ZNF609: variants seen among roughly 807,000 people sequenced by gnomAD.
ZNF609 encodes zinc finger protein 609.
ZNF609 carries 11 observed loss-of-function variants against 109.5 expected under a neutral mutation model. The observed-to-expected ratio is 0.10, with a 90% confidence interval of 0.06 to 0.17. ZNF609 has a LOEUF of 0.17. Among genes scored for constraint, ZNF609 ranks in the 10% least tolerant of loss-of-function variants. ZNF609 has a pLI of 1.00. For missense variants in ZNF609, 1,559 were observed against 1,772.4 expected, an observed-to-expected ratio of 0.88 and a Z score of 2.16; for synonymous variants, 646 against 662.0, an observed-to-expected ratio of 0.98 and a Z score of 0.37.
chr15:64,606,628 C>G (rs1895607303), intron 2 of ZNF609, among the ~76,000 whole-genome samples: 1 of 151,922 alleles, frequency 6.6e-6, no homozygotes, highest in South Asian at 2.1e-4. Context: ...CCAGGCTAGC[C>G]TCAAATTCCT....
chr15:64,612,248 C>T (rs528552356), intron 2 of ZNF609, among the ~76,000 whole-genome samples: 6 of 150,012 alleles, frequency 4.0e-5, no homozygotes, highest in African/African-American at 9.8e-5. Flanking sequence ...CCCAGGTTCA[C>T]GCCATTCTCC....
intron 2 of ZNF609, among the ~76,000 whole-genome samples, chr15:64,530,221 G>A (rs564581684): frequency 6.6e-6 from 1 of 152,128 alleles, no homozygotes; most frequent in African/African-American, 2.4e-5. Flanking sequence ...TCATCATGTT[G>A]GCCAGGCTGG....
At chr15:64,631,160 A>G in intron 3 of ZNF609, 4 of 605,618 alleles carry the variant, frequency 6.6e-6, no homozygotes, top group South Asian at 1.4e-5. Context: ...GCTCCTTCCC[A>G]TTGGTTCTCA....
At chr15:64,480,945 A>G (rs1457343327) in intron 1 of ZNF609, among the ~76,000 whole-genome samples, 1 of 152,230 alleles carries the variant, frequency 6.6e-6, no homozygotes, top group African/African-American at 2.4e-5. Flanking sequence ...TGGCAGTTTT[A>G]GAACATACAA....
chr15:64,644,466 C>T (rs937282383), intron 3 of ZNF609, among the ~76,000 whole-genome samples: 4 of 151,834 alleles, frequency 2.6e-5, no homozygotes, highest in East Asian at 1.9e-4. Context: ...CCAGTCTAGG[C>T]GACAAGAGTG....
rs150330414 is a variant in ZNF609 at position 64,472,592 on chromosome 15, C to T, written c.-128+11754C>T. On this transcript the variant is annotated intron_variant, in intron 1 of 9. Coordinates refer to ENST00000326648, the MANE Select transcript of ZNF609 (RefSeq NM_015042.2). ...AATGTTCATGAATATAAGACGGGTGCGGTGGCTCTTCCTTGTAATCCCAAC... is the reference window on the plus strand; with the variant it reads ...AATGTTCATGAATATAAGACGGGTGTGGTGGCTCTTCCTTGTAATCCCAAC... Among the ~76,000 whole-genome samples the T allele has an allele frequency of 1.9e-3, 291 of 152,146 alleles. 2 individuals are homozygous for T. Among genetic ancestry groups the T allele is most frequent in the African/African-American group, 6.6e-3 (275 of 41,520 alleles).
rs537990628 is a variant in ZNF609, at chr15:64,552,654, ATTG to A, written c.747+52494_747+52496del. ...CATGCTTGAGCCACTGCTCCCAGCC[ATTG>A]TTGTTTTTTTGAAACAAGGTCTTGC... On this transcript the variant is annotated intron_variant, in intron 2 of 9. Coordinates refer to ENST00000326648, the MANE Select transcript of ZNF609 (RefSeq NM_015042.2). Among the ~76,000 whole-genome samples, 13 of 152,070 alleles carry A rather than the reference ATTG, an allele frequency of 8.5e-5. No homozygotes were observed. In the East Asian group the frequency reaches 2.5e-3, roughly 29 times the overall value.
At chr15:64,567,481 C>CA (rs1039002670) in intron 2 of ZNF609, among the ~76,000 whole-genome samples, 3,200 of 136,804 alleles carry the variant, frequency 0.023, 98 homozygotes, top group African/African-American at 0.074. Flanking sequence ...GACTCTGTCT[C>CA]AAAAAAAAAA....
At position 64,603,997 on chromosome 15, in the gene ZNF609, C is replaced by CA. The variant is rs34675102; in HGVS notation, c.748-18807dup. Reference sequence around the variant, plus strand: ...TGGGAGACAGAGTGAGACTCCGTCTCAAAAAAAAAAAAAAAAAAAAAAAGA... The same window carrying CA: ...TGGGAGACAGAGTGAGACTCCGTCTCAAAAAAAAAAAAAAAAAAAAAAAAGA... On this transcript the variant is annotated intron_variant, in intron 2 of 9. Transcript: ENST00000326648. 9.5e-3 allele frequency among the ~76,000 whole-genome samples: 612 copies of CA among 64,628 alleles called. 3 individuals carry two copies. The highest frequency in any genetic ancestry group is 0.018 in the African/African-American group (303 of 17,174). The allele number at this position is 64,628 out of a possible 152,430, so 42.4% of individuals were successfully genotyped here. A position where few individuals can be genotyped will look rare whatever the true frequency, so the allele number is the denominator to read the frequency against.
Position 64,675,514 on chromosome 15 carries a change from A to G in ZNF609, c.2660A>G (p.Lys887Arg). The G allele has an allele frequency of 1.2e-6, 2 of 1,614,222 alleles. No homozygotes were observed. Among genetic ancestry groups the G allele is most frequent in the Non-Finnish European group, 1.7e-6 (2 of 1,180,042 alleles). ...KTLFPPQPQS[K>R]DSPYYQGFES... ...CTTTTTCCCCCTCAGCCTCAGAGCA[A>G]AGACTCACCATATTACCAAGGCTTT... is the stretch of plus-strand genomic sequence containing the variant. Residue 887 changes from lysine to arginine, a missense_variant, in exon 5 of 10, where the codon AAA becomes AGA. By Grantham distance (26) the Lys-to-Arg change is conservative. Coordinates refer to ENST00000326648, the MANE Select transcript of ZNF609 (RefSeq NM_015042.2).
Position 64,674,292 on chromosome 15 carries a change from G to A in ZNF609, c.1438G>A (p.Val480Ile). ...SATGPLPGTK[V>I]EPTVLDRNCP... ...CACTGGCCCCCTTCCTGGGACAAAG[G>A]TAGAACCCACTGTTCTGGACAGAAA... is the stretch of plus-strand genomic sequence containing the variant. The change falls in exon 5 of 10, where the codon GTA becomes ATA. Residue 480 changes from valine to isoleucine, a missense_variant. Physicochemically the swap from Val to Ile is conservative, Grantham distance 29 (BLOSUM62 3). Around this residue, in one of 4 missense-constraint regions of ZNF609, gnomAD observed 1,204 missense variants for 1,314.1 expected, o/e 0.92. Coordinates refer to ENST00000326648, the MANE Select transcript of ZNF609 (RefSeq NM_015042.2). 6.2e-7 allele frequency: 1 copy of A among 1,614,126 alleles called. No individual in the cohort carries two copies. Among genetic ancestry groups the A allele is most frequent in the Non-Finnish European group, 8.5e-7 (1 of 1,180,020 alleles).
intron 4 of ZNF609, among the ~76,000 whole-genome samples, chr15:64,673,648 A>G (rs1274499091): frequency 6.6e-6 from 1 of 152,190 alleles, no homozygotes; most frequent in East Asian, 1.9e-4. Flanking sequence ...AACCATGACT[A>G]TGGCTGTATA....
At chr15:64,669,251 G>A (rs1289704796) in intron 3 of ZNF609, among the ~76,000 whole-genome samples, 1 of 152,174 alleles carries the variant, frequency 6.6e-6, no homozygotes, top group East Asian at 1.9e-4. Context: ...TAGGTAAAAT[G>A]AAGCATTTGT....
chr15:64,615,326 A>G (rs1262301608), intron 2 of ZNF609, among the ~76,000 whole-genome samples: 1 of 151,210 alleles, frequency 6.6e-6, no homozygotes, highest in Non-Finnish European at 1.5e-5. Flanking sequence ...AATTTTTTGT[A>G]GAGACAAGAT....
At chr15:64,593,426 T>C in intron 2 of ZNF609, 1 of 690,338 alleles carries the variant, frequency 1.4e-6, no homozygotes, top group East Asian at 2.7e-5. Context: ...TTTTAAGTTA[T>C]AGCTAATTGA....
rs763408669 is a variant in ZNF609 at position 64,674,590 on chromosome 15, C to T, written c.1736C>T (p.Pro579Leu). The change falls in exon 5 of 10, where the codon CCT becomes CTT. Residue 579 changes from proline (P) to leucine (L), a missense_variant. Pro to Leu is a moderately conservative substitution (Grantham distance 98). Around this residue, in one of 4 missense-constraint regions of ZNF609, gnomAD observed 1,204 missense variants for 1,314.1 expected, o/e 0.92. Transcript: ENST00000326648. ...CTTGTAGAGCCCCATAGCCCTTCTC[C>T]TTCAAGCAAATTCAGCACAAAAGGC... is the stretch of plus-strand genomic sequence containing the variant. ...VRLVEPHSPS[P>L]SSKFSTKGLC... 4 of 1,614,110 alleles carry T rather than the reference C, an allele frequency of 2.5e-6. No individual in the cohort carries two copies. In the South Asian group the frequency reaches 4.4e-5, roughly 18 times the overall value.
chr15:64,628,836 G>A (rs1022438607), intron 3 of ZNF609, among the ~76,000 whole-genome samples: 1 of 151,868 alleles, frequency 6.6e-6, no homozygotes, highest in Non-Finnish European at 1.5e-5. Context: ...TTTCGGTCAG[G>A]CTGGTCTCGA....
chr15:64,608,354 T>C (rs1007721008), intron 2 of ZNF609, among the ~76,000 whole-genome samples: 1 of 152,232 alleles, frequency 6.6e-6, no homozygotes, highest in African/African-American at 2.4e-5. Flanking sequence ...ACCCTTTTCC[T>C]AGGTTTCCCC....
At chr15:64,658,375 T>TTAATAGA (rs1896521980) in intron 3 of ZNF609, among the ~76,000 whole-genome samples, 1 of 152,094 alleles carries the variant, frequency 6.6e-6, no homozygotes, top group Non-Finnish European at 1.5e-5. Context: ...TTTTGTATTT[T>TTAATAGA]TAATAGATAT....
Sources: gnomAD v4.1 joint callset for allele counts (sites outside exome capture counted in the v4.1 genomes callset) on GRCh38, gnomAD v4.1.1 for gene constraint, gnomAD v4.1.1 regional missense constraint, MANE v1.5 for transcripts, NCBI Gene and HGNC (gene_info 2026-07-23, HGNC 2026-07-21) for gene names.